Variants in NAALADL2 observed in about 807,000 individuals in gnomAD.
NAALADL2 encodes the protein N-acetylated alpha-linked acidic dipeptidase like 2, also known as inactive N-acetylated-alpha-linked acidic dipeptidase-like protein 2.
NAALADL2 carries 76 observed loss-of-function variants against 87.2 expected under a neutral mutation model. The observed-to-expected ratio is 0.87, with a 90% CI of 0.72 to 1.05. NAALADL2 has a LOEUF of 1.05. NAALADL2 is among the 50% of genes least tolerant of loss of function. NAALADL2 has a pLI of 0.00. For synonymous variants in NAALADL2, 354 were observed against 331.0 expected (o/e 1.07, Z -0.75); for missense variants, 1,089 against 945.8 (o/e 1.15, Z -1.99).
chr3:174,552,083 C>T (rs971747300), intron 2 of NAALADL2, among the ~76,000 whole-genome samples: 3 of 152,098 alleles, frequency 2.0e-5, no homozygotes, highest in Non-Finnish European at 4.4e-5. Flanking sequence ...GGATACTAAT[C>T]GTATTAGTGA....
At chr3:174,589,081 C>T (rs964063526) in intron 2 of NAALADL2, among the ~76,000 whole-genome samples, 2 of 152,166 alleles carry the variant, frequency 1.3e-5, no homozygotes, top group African/African-American at 2.4e-5. Flanking sequence ...CAATGGCGGA[C>T]ACCCCTCCCC....
intron 11 of NAALADL2, among the ~76,000 whole-genome samples, chr3:175,688,927 T>C (rs1229542206): frequency 6.6e-6 from 1 of 152,192 alleles, no homozygotes; most frequent in Non-Finnish European, 1.5e-5. Context: ...GAATCTGCAA[T>C]GCTCTGTCTG....
intron 11 of NAALADL2, among the ~76,000 whole-genome samples, chr3:175,633,823 A>C (rs1358735600): frequency 1.3e-5 from 2 of 151,688 alleles, no homozygotes; most frequent in Admixed American, 1.3e-4. Context: ...TACGTATTAC[A>C]AAAACAGGAA....
intron 11 of NAALADL2, among the ~76,000 whole-genome samples, chr3:175,680,060 C>T (rs1395819854): frequency 6.6e-6 from 1 of 152,112 alleles, no homozygotes; most frequent in Non-Finnish European, 1.5e-5. Flanking sequence ...GGTACCAAAC[C>T]TTTGAGAGCT....
intron 9 of NAALADL2, among the ~76,000 whole-genome samples, chr3:175,526,992 T>A (rs930075718): frequency 6.6e-6 from 1 of 152,182 alleles, no homozygotes; most frequent in Non-Finnish European, 1.5e-5. Flanking sequence ...TTTTGTCACT[T>A]TCCTTGTACT....
chr3:175,169,248 C>A (rs555865397), intron 2 of NAALADL2, among the ~76,000 whole-genome samples: 1 of 151,622 alleles, frequency 6.6e-6, no homozygotes, highest in African/African-American at 2.4e-5. Context: ...TTACTAAATA[C>A]TTTTGGATTA....
chr3:175,117,112 C>G (rs1725362742), intron 2 of NAALADL2, among the ~76,000 whole-genome samples: 1 of 152,076 alleles, frequency 6.6e-6, no homozygotes, highest in African/African-American at 2.4e-5. Context: ...AAAATTAATT[C>G]AAGATGAACT....
chr3:174,680,460 A>T (rs1727432977), intron 2 of NAALADL2, among the ~76,000 whole-genome samples: 1 of 152,158 alleles, frequency 6.6e-6, no homozygotes. Flanking sequence ...ATAGAATGGC[A>T]CTACTTTAAG....
intron 9 of NAALADL2, among the ~76,000 whole-genome samples, chr3:175,565,820 G>T (rs908642072): frequency 4.3e-5 from 3 of 70,172 alleles, no homozygotes; most frequent in Admixed American, 1.9e-4. Context: ...AAAAACAAAA[G>T]CCCCCCCCCT....
At chr3:175,195,286 C>G (rs1037490703) in intron 2 of NAALADL2, among the ~76,000 whole-genome samples, 4 of 151,654 alleles carry the variant, frequency 2.6e-5, no homozygotes, top group Non-Finnish European at 5.9e-5. Context: ...GAACAATCCC[C>G]TGATTTTACA....
chr3:174,637,046 A>G (rs547763803), intron 2 of NAALADL2, among the ~76,000 whole-genome samples: 231 of 152,304 alleles, frequency 1.5e-3, no homozygotes, highest in Non-Finnish European at 1.8e-3. Context: ...GGAAGTCATT[A>G]TGTTAAATGA....
chr3:174,474,348 AT>A (rs1717089788), intron 1 of NAALADL2, among the ~76,000 whole-genome samples: 1 of 152,150 alleles, frequency 6.6e-6, no homozygotes, highest in African/African-American at 2.4e-5. Context: ...GGAGTTTGAA[AT>A]TTAGGGTCTC....
intron 2 of NAALADL2, among the ~76,000 whole-genome samples, chr3:174,615,473 C>G (rs1720360826): frequency 1.3e-5 from 2 of 152,170 alleles, no homozygotes; most frequent in Non-Finnish European, 2.9e-5. Flanking sequence ...GAAACAGTCA[C>G]AAAGCAGTAG....
At chr3:174,904,005 C>CTATATCTA (rs1284449379) in intron 1 of NAALADL2, among the ~76,000 whole-genome samples, 15 of 151,548 alleles carry the variant, frequency 9.9e-5, no homozygotes, top group African/African-American at 3.6e-4. Flanking sequence ...ATATCTATAT[C>CTATATCTA]TATATCTGTA....
intron 2 of NAALADL2, among the ~76,000 whole-genome samples, chr3:174,699,345 G>T (rs944606976): frequency 3.3e-5 from 5 of 151,956 alleles, no homozygotes; most frequent in African/African-American, 1.2e-4. Context: ...AAACAAAAAT[G>T]AGTTGAGTGT....
chr3:175,400,225 A>G (rs1190062643), intron 5 of NAALADL2, among the ~76,000 whole-genome samples: 1 of 152,128 alleles, frequency 6.6e-6, no homozygotes. Context: ...TGCTAGGATA[A>G]TTTGTCCTGT....
At chr3:175,465,183 C>T (rs1334146650) in intron 7 of NAALADL2, among the ~76,000 whole-genome samples, 3 of 147,114 alleles carry the variant, frequency 2.0e-5, no homozygotes, top group African/African-American at 7.5e-5. Context: ...ACCCGGGAGG[C>T]GGAGCTTGCA....
At chr3:174,977,660 C>G (rs1744541938) in intron 1 of NAALADL2, among the ~76,000 whole-genome samples, 1 of 152,258 alleles carries the variant, frequency 6.6e-6, no homozygotes, top group Admixed American at 6.5e-5. Context: ...CAGCTTTCTT[C>G]CTTCCATACC....
intron 9 of NAALADL2, among the ~76,000 whole-genome samples, chr3:175,544,969 C>G (rs1056760229): frequency 1.3e-5 from 2 of 152,158 alleles, no homozygotes; most frequent in African/African-American, 2.4e-5. Context: ...TACAAACACT[C>G]AAGATTCTTT....
Sources: gnomAD v4.1 joint callset for allele counts (sites outside exome capture counted in the v4.1 genomes callset) on GRCh38, gnomAD v4.1.1 for gene constraint, MANE v1.5 for transcripts, NCBI Gene and HGNC (gene_info 2026-07-23, HGNC 2026-07-21) for gene names.